SLIT3: variants seen among roughly 807,000 people sequenced by gnomAD.
The protein encoded by SLIT3 is slit homolog 3 protein.
A neutral mutation model predicts 184.0 loss-of-function variants in SLIT3; 68 were observed. The ratio of observed to expected loss-of-function variants is 0.37; its 90% CI spans 0.30 to 0.45. The LOEUF (loss-of-function observed/expected upper bound fraction) is 0.45. Ranked by LOEUF, SLIT3 falls within the 20% of genes least tolerant of loss-of-function variation. The pLI is 1.00. For synonymous variants in SLIT3, 831 were observed against 828.6 expected, an observed-to-expected ratio of 1.00 and a Z score of -0.05; for missense variants, 1,707 against 2,026.0, an observed-to-expected ratio of 0.84 and a Z score of 3.02.
At chr5:168,953,700 C>T (rs1762734170) in intron 4 of SLIT3, among the ~76,000 whole-genome samples, 1 of 152,148 alleles carries the variant, frequency 6.6e-6, no homozygotes, top group African/African-American at 2.4e-5. Flanking sequence ...GTGCCTGGCA[C>T]ATCCGTGGCA....
At chr5:169,111,088 C>A (rs1040235061) in intron 4 of SLIT3, among the ~76,000 whole-genome samples, 1 of 152,156 alleles carries the variant, frequency 6.6e-6, no homozygotes, top group Non-Finnish European at 1.5e-5. Context: ...TGTAAACTGC[C>A]CCATGCCTAG....
intron 5 of SLIT3, among the ~76,000 whole-genome samples, chr5:168,876,564 C>A (rs1759739083): frequency 6.6e-6 from 1 of 152,230 alleles, no homozygotes; most frequent in Admixed American, 6.5e-5. Flanking sequence ...TGAATTTTCA[C>A]ATGCTGTTCC....
chr5:168,704,184 G>A (rs1430087243), intron 26 of SLIT3, among the ~76,000 whole-genome samples: 2 of 150,658 alleles, frequency 1.3e-5, no homozygotes, highest in Admixed American at 1.3e-4. Context: ...TGATTCTTAT[G>A]CACACAAAAG....
chr5:168,751,538 G>T (rs1441249742), intron 18 of SLIT3, among the ~76,000 whole-genome samples: 1 of 152,134 alleles, frequency 6.6e-6, no homozygotes, highest in Non-Finnish European at 1.5e-5. Context: ...CTTTCCCAAG[G>T]TCACACAGCT....
chr5:168,851,322 CAAA>C (rs531233116), intron 5 of SLIT3, among the ~76,000 whole-genome samples: 4 of 77,184 alleles, frequency 5.2e-5, no homozygotes, highest in Admixed American at 1.5e-4. Flanking sequence ...GACTCCGTCT[CAAA>C]AAAAAAAAAA....
intron 4 of SLIT3, among the ~76,000 whole-genome samples, chr5:168,894,953 G>C (rs987142940): frequency 1.3e-5 from 2 of 151,810 alleles, no homozygotes; most frequent in African/African-American, 4.8e-5. Context: ...GATGATCTTT[G>C]GGATAATCTA....
At chr5:168,982,019 C>G (rs111232619) in intron 4 of SLIT3, among the ~76,000 whole-genome samples, 1,619 of 152,308 alleles carry the variant, frequency 0.011, 26 homozygotes, top group African/African-American at 0.037. Flanking sequence ...TATTAACCAC[C>G]TATATATGAT....
chr5:169,142,840 T>C (rs1761791632), intron 4 of SLIT3, among the ~76,000 whole-genome samples: 1 of 152,228 alleles, frequency 6.6e-6, no homozygotes, highest in African/African-American at 2.4e-5. Flanking sequence ...GTGATAGGCA[T>C]GTACTCCAAG....
intron 3 of SLIT3, among the ~76,000 whole-genome samples, chr5:169,242,260 T>C (rs1765428988): frequency 6.6e-6 from 1 of 152,198 alleles, no homozygotes; most frequent in African/African-American, 2.4e-5. Context: ...GCTGTGTATA[T>C]GAACCCAGCT....
intron 4 of SLIT3, among the ~76,000 whole-genome samples, chr5:168,950,469 T>A (rs890838946): frequency 1.3e-5 from 2 of 152,214 alleles, no homozygotes; most frequent in Non-Finnish European, 1.5e-5. Flanking sequence ...AGAAGGCCAG[T>A]CAATACTTTA....
intron 20 of SLIT3, among the ~76,000 whole-genome samples, chr5:168,746,768 T>C (rs1219284160): frequency 1.0e-5 from 1 of 96,168 alleles, no homozygotes; most frequent in Non-Finnish European, 2.1e-5. Context: ...CGGTGTGTGG[T>C]GGTGTGTGGT....
chr5:169,178,008 C>T (rs1024600652), intron 4 of SLIT3, among the ~76,000 whole-genome samples: 2 of 152,206 alleles, frequency 1.3e-5, no homozygotes, highest in Non-Finnish European at 2.9e-5. Context: ...AAAAAAAGTA[C>T]ATCATGACAG....
At chr5:169,281,751 T>C (rs1767002880) in intron 1 of SLIT3, among the ~76,000 whole-genome samples, 1 of 152,226 alleles carries the variant, frequency 6.6e-6, no homozygotes, top group Non-Finnish European at 1.5e-5. Flanking sequence ...CATGGACATC[T>C]GCAAAAATTT....
chr5:168,847,673 G>C (rs1167480830), intron 5 of SLIT3, among the ~76,000 whole-genome samples: 1 of 152,206 alleles, frequency 6.6e-6, no homozygotes, highest in East Asian at 1.9e-4. Context: ...AGTTAGTCCT[G>C]ATGCACAGGA....
intron 4 of SLIT3, among the ~76,000 whole-genome samples, chr5:168,963,530 A>G (rs1409414829): frequency 6.6e-6 from 1 of 152,234 alleles, no homozygotes; most frequent in African/African-American, 2.4e-5. Context: ...GGCAAAGGTG[A>G]GTGGTTGTGA....
At chr5:169,038,904 A>G (rs1384922604) in intron 4 of SLIT3, among the ~76,000 whole-genome samples, 1 of 152,170 alleles carries the variant, frequency 6.6e-6, no homozygotes, top group Non-Finnish European at 1.5e-5. Context: ...TGGCCTGGGT[A>G]GGTTTTGAGT....
At position 168,811,180 on chromosome 5, in the gene SLIT3, G is replaced by A. The variant is rs78885992; in HGVS notation, c.794-4593C>T. Among the ~76,000 whole-genome samples, 1,363 of 152,222 alleles carry A rather than the reference G, an allele frequency of 9.0e-3. 28 individuals carry two copies. Among genetic ancestry groups the A allele is most frequent in the African/African-American group, 0.031 (1,300 of 41,540 alleles). On this transcript the variant is annotated intron_variant, in intron 8 of 35. Transcript: ENST00000519560. ...GAAGCCCTGAGAGAGGAGGGGACTT[G>A]CCCAAGGACACAGTGGGGTCCAAAC...
At chr5:168,986,833 C>T (rs760169803) in intron 4 of SLIT3, among the ~76,000 whole-genome samples, 1 of 152,170 alleles carries the variant, frequency 6.6e-6, no homozygotes, top group South Asian at 2.1e-4. Flanking sequence ...TAATGAGATA[C>T]ATATATAAAA....
chr5:168,845,744 T>C (rs772040597), intron 5 of SLIT3, among the ~76,000 whole-genome samples: 2 of 151,904 alleles, frequency 1.3e-5, no homozygotes, highest in African/African-American at 2.4e-5. Context: ...TAAAAAACCA[T>C]AAAAAACAAC....
Sources: allele counts gnomAD v4.1 joint callset (sites outside exome capture counted in the v4.1 genomes callset), GRCh38; gene constraint gnomAD v4.1.1; transcripts MANE v1.5; gene names NCBI Gene and HGNC (gene_info 2026-07-23, HGNC 2026-07-21).